The following LMO7 variants were observed in gnomAD, a reference collection of about 807,000 sequenced individuals.
The protein encoded by LMO7 is LIM domain 7.
A neutral mutation model predicts 206.5 loss-of-function variants in LMO7; 120 were observed. The ratio of observed to expected loss-of-function variants is 0.58; its 90% CI spans 0.50 to 0.68. The LOEUF is 0.68. LMO7 is among the 30% of genes least tolerant of loss of function. The probability of loss-of-function intolerance (pLI) is 0.00; values close to 1 mark genes in which losing one functional copy is unlikely to be tolerated. For missense variants in LMO7, 1,959 were observed against 1,957.9 expected, an observed-to-expected ratio of 1.00 and a Z score of -0.01; for synonymous variants, 706 against 681.5, an observed-to-expected ratio of 1.04 and a Z score of -0.56.
At chr13:75,760,479 G>T in intron 3 of LMO7, 1 of 1,252,518 alleles carries the variant, frequency 8.0e-7, no homozygotes, top group East Asian at 3.3e-5. Flanking sequence ...GAAACAGAAT[G>T]TTCCTCCTCT....
At chr13:75,711,900 A>T (rs2043158970) in intron 1 of LMO7, among the ~76,000 whole-genome samples, 1 of 152,264 alleles carries the variant, frequency 6.6e-6, no homozygotes, top group Non-Finnish European at 1.5e-5. Context: ...GTAAAGCAGC[A>T]GTGCAGCCCT....
Position 75,675,989 on chromosome 13 carries a change from C to T in LMO7, c.70-37193C>T, listed in dbSNP as rs1275286782. On this transcript the variant is annotated intron_variant, in intron 1 of 30. Transcript: ENST00000377534. ...TATGTGGGGAAATTTTGTAATTGTT[C>T]CCTAAAACTGCACGTTTGTAAAAGA... 2.6e-5 allele frequency among the ~76,000 whole-genome samples: 4 copies of T among 152,134 alleles called. No homozygotes were observed. The East Asian group carries it at 5.8e-4, about 22-fold the overall frequency.
chr13:75,831,454 C>G (rs984641843), intron 15 of LMO7, among the ~76,000 whole-genome samples: 1 of 152,128 alleles, frequency 6.6e-6, no homozygotes, highest in Admixed American at 6.5e-5. Context: ...CCTTCAAATT[C>G]TTGTGTACTC....
At chr13:75,656,350 A>G (rs1166898443) in intron 1 of LMO7, among the ~76,000 whole-genome samples, 1 of 152,200 alleles carries the variant, frequency 6.6e-6, no homozygotes. Context: ...ACTTATTATT[A>G]TGCTTAAAAA....
Position 75,675,325 on chromosome 13 carries a change from C to T in LMO7, c.70-37857C>T, listed in dbSNP as rs564515733. Among the ~76,000 whole-genome samples, 5 of 152,228 alleles carry T rather than the reference C, an allele frequency of 3.3e-5. No homozygotes were observed. The South Asian group carries it at 8.3e-4, about 25-fold the overall frequency. On this transcript the variant is annotated intron_variant, in intron 1 of 30. Transcript: ENST00000377534. ...CTGACCTCAAATGATCCACCCACCTCGACCTCCCAAAGTTTTGGGATTACA... is the reference window on the plus strand; with the variant it reads ...CTGACCTCAAATGATCCACCCACCTTGACCTCCCAAAGTTTTGGGATTACA...
At chr13:75,755,475 T>A (rs568890730) in intron 3 of LMO7, among the ~76,000 whole-genome samples, 3 of 152,168 alleles carry the variant, frequency 2.0e-5, no homozygotes, top group Non-Finnish European at 2.9e-5. Context: ...TCTTTAACTG[T>A]CCTTTAAATG....
chr13:75,808,184 G>A lies in LMO7; in HGVS notation c.1901G>A (p.Arg634Lys), dbSNP rs774896315. 3.7e-5 allele frequency: 60 copies of A among 1,612,084 alleles called. No individual in the cohort carries two copies. Among genetic ancestry groups the A allele is most frequent in the Non-Finnish European group, 5.0e-5 (59 of 1,178,744 alleles). ...GCCAGCAGACTTAGGCACAAGAAAA[G>A]GCTGATGGTGGAGAGGTCAGAGTGT... Reference protein sequence around the residue: ...REASRLRHKKRLMVERLFQKI... With the variant: ...REASRLRHKKKLMVERLFQKI... Residue 634 changes from arginine (R) to lysine (K), a missense_variant, in exon 10 of 31, where the codon AGG becomes AAG. By Grantham distance (26) the Arg-to-Lys change is conservative. Transcript: ENST00000377534.
At chr13:75,832,615 G>T (rs1157846271) in intron 15 of LMO7, among the ~76,000 whole-genome samples, 1 of 152,176 alleles carries the variant, frequency 6.6e-6, no homozygotes, top group Non-Finnish European at 1.5e-5. Flanking sequence ...TGAACCACTT[G>T]AAGTTATTCA....
chr13:75,765,924 G>T (rs2048810243), intron 4 of LMO7, among the ~76,000 whole-genome samples: 1 of 152,082 alleles, frequency 6.6e-6, no homozygotes, highest in South Asian at 2.1e-4. Flanking sequence ...AAGCCTTCAT[G>T]CTGTGGACTT....
intron 3 of LMO7, among the ~76,000 whole-genome samples, chr13:75,750,398 T>C (rs1049961637): frequency 6.9e-6 from 1 of 145,964 alleles, no homozygotes; most frequent in African/African-American, 2.5e-5. Context: ...TTTTTTTTTT[T>C]TCCTTTTTGG....
intron 3 of LMO7, among the ~76,000 whole-genome samples, chr13:75,730,390 T>C (rs1314777615): frequency 6.6e-6 from 1 of 152,178 alleles, no homozygotes; most frequent in Non-Finnish European, 1.5e-5. Flanking sequence ...TATCCATTTC[T>C]TCTAGATTTT....
intron 1 of LMO7, among the ~76,000 whole-genome samples, chr13:75,639,270 A>C (rs1724112402): frequency 6.6e-6 from 1 of 152,178 alleles, no homozygotes; most frequent in Non-Finnish European, 1.5e-5. Context: ...TGATCACTTT[A>C]TGAATCTTGT....
intron 1 of LMO7, among the ~76,000 whole-genome samples, chr13:75,681,724 A>ATATATATATATATATATATATATATG (rs1566304841): frequency 3.6e-4 from 36 of 100,858 alleles, no homozygotes; most frequent in African/African-American, 1.2e-3. Context: ...ATATGTATAT[A>ATATATATATATATATATATATATATG]TATATATATA....
chr13:75,711,239 G>A (rs1369415821), intron 1 of LMO7, among the ~76,000 whole-genome samples: 2 of 152,174 alleles, frequency 1.3e-5, no homozygotes, highest in African/African-American at 2.4e-5. Flanking sequence ...ATGTTCATCA[G>A]GGATATTGGT....
At chr13:75,784,072 C>T (rs1327559375) in intron 4 of LMO7, among the ~76,000 whole-genome samples, 1 of 152,052 alleles carries the variant, frequency 6.6e-6, no homozygotes, top group African/African-American at 2.4e-5. Flanking sequence ...TATCTGGAGA[C>T]ATTTCTGATT....
At chr13:75,682,053 A>G (rs1391966527) in intron 1 of LMO7, among the ~76,000 whole-genome samples, 1 of 152,158 alleles carries the variant, frequency 6.6e-6, no homozygotes, top group African/African-American at 2.4e-5. Context: ...TTTACAAGAA[A>G]TAGATGAACT....
chr13:75,754,923 G>A (rs979558867), intron 3 of LMO7, among the ~76,000 whole-genome samples: 4 of 152,220 alleles, frequency 2.6e-5, no homozygotes, highest in African/African-American at 9.7e-5. Context: ...GAAGAGTTAA[G>A]ATTCCATTGA....
chr13:75,853,044 C>T (rs2139663683), intron 27 of LMO7, 48 bp from the exon 28 acceptor site: 1 of 1,409,502 alleles, frequency 7.1e-7, no homozygotes, highest in East Asian at 2.3e-5. Flanking sequence ...AAATAGATTT[C>T]TAGTTGAACA....
At chr13:75,746,688 TCTC>T (rs2046871294) in intron 3 of LMO7, among the ~76,000 whole-genome samples, 1 of 152,188 alleles carries the variant, frequency 6.6e-6, no homozygotes, top group Non-Finnish European at 1.5e-5. Context: ...TCTCTTGTCA[TCTC>T]CTTGACATTA....
Sources: gnomAD v4.1 joint callset for allele counts (sites outside exome capture counted in the v4.1 genomes callset) on GRCh38, gnomAD v4.1.1 for gene constraint, MANE v1.5 for transcripts, NCBI Gene and HGNC (gene_info 2026-07-23, HGNC 2026-07-21) for gene names.